The following RIMS1 variants were observed in gnomAD, a reference collection of about 807,000 sequenced individuals.
RIMS1 encodes regulating synaptic membrane exocytosis protein 1.
Under a neutral mutation model 214.1 loss-of-function variants are expected in RIMS1, and 83 were observed. The ratio of observed to expected loss-of-function variants is 0.39; its 90% CI spans 0.32 to 0.47. The LOEUF is 0.47. Among genes scored for constraint, RIMS1 ranks in the 20% least tolerant of loss-of-function variants. The pLI is 0.99. For missense variants in RIMS1, 2,050 were observed against 2,161.8 expected (o/e 0.95, Z 1.03); for synonymous variants, 793 against 786.8 (o/e 1.01, Z -0.13).
In RIMS1 at chr6:71,886,940, G is replaced by C. The variant is rs989084506; in HGVS notation, c.-84G>C. 1.0e-5 allele frequency: 15 copies of C among 1,498,572 alleles called. No homozygotes were observed. In the Middle Eastern group the frequency reaches 6.5e-4, roughly 65 times the overall value. The allele number at this position is 1,498,572 out of a possible 1,614,324, so 92.8% of individuals were successfully genotyped here. On this transcript the variant is annotated 5_prime_UTR_variant, in exon 1 of 34. Transcript: ENST00000521978. ...GCCGCCGCTAGGGCTCCGCTGTGAGGGGGAAGCAGGGGCGCAGCTGCTGGG... is the reference window on the plus strand; with the variant it reads ...GCCGCCGCTAGGGCTCCGCTGTGAGCGGGAAGCAGGGGCGCAGCTGCTGGG...
chr6:72,206,167 C>G (rs530060362), intron 6 of RIMS1, among the ~76,000 whole-genome samples: 25 of 152,240 alleles, frequency 1.6e-4, no homozygotes, highest in African/African-American at 5.5e-4. Context: ...ACCTTTCATG[C>G]ATTCTTAAAG....
intron 2 of RIMS1, among the ~76,000 whole-genome samples, chr6:72,058,913 T>C (rs1023577089): frequency 3.9e-5 from 6 of 152,120 alleles, no homozygotes; most frequent in African/African-American, 1.4e-4. Context: ...ATATTGAAAA[T>C]ATTTGCATTA....
chr6:72,139,541 C>A (rs1425140266), intron 4 of RIMS1, among the ~76,000 whole-genome samples: 1 of 152,094 alleles, frequency 6.6e-6, no homozygotes, highest in Non-Finnish European at 1.5e-5. Context: ...TGCTTCTTCC[C>A]ACTAGATTAT....
chr6:72,057,814 A>G (rs1461116398), intron 2 of RIMS1, among the ~76,000 whole-genome samples: 2 of 152,178 alleles, frequency 1.3e-5, no homozygotes, highest in South Asian at 2.1e-4. Context: ...GCCCCAAACC[A>G]GTACACTTTT....
In RIMS1 at chr6:71,964,682, G is replaced by C. The variant is rs1196617772; in HGVS notation, c.165-4301G>C. Among the ~76,000 whole-genome samples the C allele has an allele frequency of 2.0e-5, 3 of 151,310 alleles. No individual in the cohort carries two copies. In the South Asian group the frequency reaches 6.2e-4, roughly 31 times the overall value. Reference sequence around the variant, plus strand: ...GATGGTTGCTGGAGAATCAGGTTTAGGGGAAAAAAAAAATGAAAAGTTCTA... The same window carrying C: ...GATGGTTGCTGGAGAATCAGGTTTACGGGAAAAAAAAAATGAAAAGTTCTA... On this transcript the variant is annotated intron_variant, in intron 1 of 33. Coordinates refer to ENST00000521978, the MANE Select transcript of RIMS1 (RefSeq NM_014989.7).
rs556974221 is a variant in RIMS1 at position 72,298,979 on chromosome 6, G to A, written c.3850+6933G>A. 7.9e-5 allele frequency among the ~76,000 whole-genome samples: 12 copies of A among 152,020 alleles called. No homozygotes were observed. The South Asian group carries it at 2.5e-3, about 32-fold the overall frequency. On this transcript the variant is annotated intron_variant, in intron 26 of 33. Transcript: ENST00000521978. ...TTTAACTCCCTCTTTTATGTTGAAA[G>A]CTGAAAGACCATATCATTTTAGTCT...
At chr6:72,372,683 T>G (rs759163052) in intron 29 of RIMS1, among the ~76,000 whole-genome samples, 1 of 152,232 alleles carries the variant, frequency 6.6e-6, no homozygotes, top group Non-Finnish European at 1.5e-5. Context: ...ATCTCCCTGT[T>G]TCTAAGAACA....
At chr6:72,365,681 CTT>C (rs1376276808) in intron 29 of RIMS1, 1 of 152,238 alleles carries the variant, frequency 6.6e-6, no homozygotes, top group East Asian at 1.9e-4. Flanking sequence ...CTCTTGCTGA[CTT>C]TTACTCCTTC....
chr6:71,892,587 G>A (rs1157867857), intron 1 of RIMS1, among the ~76,000 whole-genome samples: 8 of 151,988 alleles, frequency 5.3e-5, no homozygotes, highest in African/African-American at 1.5e-4. Flanking sequence ...TCTGCTTGCT[G>A]TTTTGCCCAC....
chr6:72,357,938 G>A (rs1285452094), intron 29 of RIMS1, among the ~76,000 whole-genome samples: 1 of 152,162 alleles, frequency 6.6e-6, no homozygotes, highest in African/African-American at 2.4e-5. Flanking sequence ...AAAAATAGCA[G>A]TTTCTGAGTG....
intron 4 of RIMS1, among the ~76,000 whole-genome samples, chr6:72,133,410 A>C (rs1433380130): frequency 6.6e-6 from 1 of 152,178 alleles, no homozygotes; most frequent in Non-Finnish European, 1.5e-5. Flanking sequence ...CAAGAATCTT[A>C]CAACTTCAGA....
chr6:71,959,401 G>T (rs1792240392), intron 1 of RIMS1, among the ~76,000 whole-genome samples: 1 of 152,028 alleles, frequency 6.6e-6, no homozygotes, highest in Non-Finnish European at 1.5e-5. Flanking sequence ...CAGCTATTGG[G>T]CTCCCAGATG....
intron 6 of RIMS1, among the ~76,000 whole-genome samples, chr6:72,215,778 C>T (rs2055704877): frequency 6.6e-6 from 1 of 152,178 alleles, no homozygotes; most frequent in East Asian, 1.9e-4. Context: ...TAAATATGTT[C>T]TTTTAAGAGA....
intron 2 of RIMS1, among the ~76,000 whole-genome samples, chr6:72,061,490 G>T (rs535920413): frequency 6.6e-6 from 1 of 152,202 alleles, no homozygotes; most frequent in Non-Finnish European, 1.5e-5. Context: ...TTGTTTCCAC[G>T]GATGGACTGG....
In RIMS1 at chr6:72,250,477, G is replaced by GA. The variant is rs199898147; in HGVS notation, c.2372+27dup. The GA allele has an allele frequency of 6.7e-3, 9,503 of 1,413,460 alleles. 68 individuals carry two copies. The highest frequency in any genetic ancestry group is 0.054 in the African/African-American group (3,647 of 67,732). 87.6% of individuals were successfully genotyped at this position (1,413,460 alleles called of 1,614,324 possible). A position where few individuals can be genotyped will look rare whatever the true frequency, so the allele number is the denominator to read the frequency against. On this transcript the variant is annotated intron_variant, in intron 13 of 33. Coordinates refer to ENST00000521978, the MANE Select transcript of RIMS1 (RefSeq NM_014989.7). ...AGATAGAAGGTAGTGAATAATTTTA[G>GA]AAAAAAAAAATCTTAAAATCTGTAC...
chr6:72,260,670 A>T, intron 18 of RIMS1, 35 bp from the exon 19 acceptor site: 1 of 1,609,186 alleles, frequency 6.2e-7, no homozygotes, highest in Non-Finnish European at 8.5e-7. Context: ...CTCATAATTT[A>T]TCTGTTTCAC....
At chr6:72,226,701 C>T (rs1354085772) in intron 6 of RIMS1, among the ~76,000 whole-genome samples, 1 of 151,890 alleles carries the variant, frequency 6.6e-6, no homozygotes, top group South Asian at 2.1e-4. Flanking sequence ...ATATCTTGAA[C>T]AATCTGGCCA....
chr6:72,205,730 TAATA>T (rs1179674867), intron 6 of RIMS1, among the ~76,000 whole-genome samples: 1 of 152,174 alleles, frequency 6.6e-6, no homozygotes, highest in African/African-American at 2.4e-5. Flanking sequence ...TATCTTGGCA[TAATA>T]AATACTTTAT....
At chr6:72,214,872 C>T (rs2055110053) in intron 6 of RIMS1, among the ~76,000 whole-genome samples, 2 of 152,102 alleles carry the variant, frequency 1.3e-5, no homozygotes, top group African/African-American at 4.8e-5. Context: ...CAGGCACCCA[C>T]CACCACACGC....
Sources: allele counts gnomAD v4.1 joint callset (sites outside exome capture counted in the v4.1 genomes callset), GRCh38; gene constraint gnomAD v4.1.1; transcripts MANE v1.5; gene names NCBI Gene and HGNC (gene_info 2026-07-23, HGNC 2026-07-21).